The following RFWD3 variants were observed in gnomAD, a reference collection of about 807,000 sequenced individuals.
The protein encoded by RFWD3 is ring finger and WD repeat domain 3, also known as E3 ubiquitin-protein ligase RFWD3.
RFWD3 carries 65 observed loss-of-function variants against 87.7 expected under a neutral mutation model. The observed-to-expected ratio is 0.74, with a 90% confidence interval of 0.61 to 0.91. The LOEUF (loss-of-function observed/expected upper bound fraction) is 0.91. Among genes scored for constraint, RFWD3 ranks in the 40% least tolerant of loss-of-function variants. The probability of loss-of-function intolerance (pLI) is 0.00; values close to 1 mark genes in which losing one functional copy is unlikely to be tolerated. For missense variants in RFWD3, 1,078 were observed against 938.5 expected, an observed-to-expected ratio of 1.15 and a Z score of -1.94; for synonymous variants, 433 against 352.8, an observed-to-expected ratio of 1.23 and a Z score of -2.55.
At chr16:74,666,148 GGAAA>G (rs1199398647) in intron 1 of RFWD3, among the ~76,000 whole-genome samples, 4 of 151,466 alleles carry the variant, frequency 2.6e-5, no homozygotes, top group East Asian at 3.9e-4. Context: ...TACTACATGG[GGAAA>G]GAAAGACATA....
At chr16:74,653,296 G>A (rs1410840895) in intron 2 of RFWD3, among the ~76,000 whole-genome samples, 2 of 152,032 alleles carry the variant, frequency 1.3e-5, no homozygotes, top group Middle Eastern at 3.4e-3. Flanking sequence ...CCATGATGGT[G>A]CCCATACTCC....
rs1187759235 is a variant in RFWD3, at chr16:74,652,227, G to T, written c.519-105C>A. ...TCCTATCACTTCAACCCATCTCCAG[G>T]CCATTAAATGCTGCCTTTGAAAGCT... On this transcript the variant is annotated intron_variant, in intron 2 of 12. Coordinates refer to ENST00000361070, the MANE Select transcript of RFWD3 (RefSeq NM_018124.4). 7 of 965,812 alleles carry T rather than the reference G, an allele frequency of 7.2e-6. 1 individual carries two copies. In the Middle Eastern group the frequency reaches 1.3e-3, roughly 181 times the overall value. 59.8% of individuals were successfully genotyped at this position (965,812 alleles called of 1,614,324 possible). A position where few individuals can be genotyped will look rare whatever the true frequency, so the allele number is the denominator to read the frequency against.
rs1288294786 is a variant in RFWD3, at chr16:74,651,905, G to C, written c.721+15C>G. The C allele has an allele frequency of 1.2e-6, 2 of 1,612,490 alleles. No homozygotes were observed. Among genetic ancestry groups the C allele is most frequent in the Non-Finnish European group, 1.7e-6 (2 of 1,178,912 alleles). On this transcript the variant is annotated intron_variant, in intron 3 of 12. Transcript: ENST00000361070. ...ATGTTAGCCTTGTGAGTCCAAACCT[G>C]GGTAAAATACTGACCTTCTAAAATG...
intron 2 of RFWD3, 113 bp downstream of exon 2, chr16:74,660,819 C>G (rs1279051486): frequency 8.3e-7 from 1 of 1,206,482 alleles, no homozygotes; most frequent in East Asian, 2.3e-5. Flanking sequence ...AACTGGGGGT[C>G]AGAAGTTACC....
At chr16:74,656,382 TTTTTA>T (rs927893795) in intron 2 of RFWD3, among the ~76,000 whole-genome samples, 8 of 152,072 alleles carry the variant, frequency 5.3e-5, no homozygotes, top group Admixed American at 2.6e-4. Context: ...GGAAAAGCTT[TTTTTA>T]TTTTATTTTT....
intron 3 of RFWD3, 139 bp downstream of exon 3, chr16:74,651,781 C>T (rs2144266829): frequency 1.3e-6 from 1 of 744,884 alleles, no homozygotes; most frequent in Middle Eastern, 3.9e-4. Flanking sequence ...AGTGAAGGCT[C>T]TATACTATAA....
At chr16:74,633,840 C>T (rs1304854607) in intron 8 of RFWD3, among the ~76,000 whole-genome samples, 1 of 151,734 alleles carries the variant, frequency 6.6e-6, no homozygotes, top group Non-Finnish European at 1.5e-5. Flanking sequence ...GTCCCAGTTA[C>T]TCAAGAGGCT....
In RFWD3 at chr16:74,621,986, A is replaced by C. The variant is rs569495124; in HGVS notation, c.*1942T>G. 2.0e-5 allele frequency: 3 copies of C among 152,348 alleles called. No homozygotes were observed. The South Asian group carries it at 6.2e-4, about 32-fold the overall frequency. The allele number at this position is 152,348 out of a possible 1,614,324, so 9.4% of individuals were successfully genotyped here. ...CTTCCAAAACATCCAAATTTAATGTACTAATGCAAGGACTGGTAAGACTTA... is the reference window on the plus strand; with the variant it reads ...CTTCCAAAACATCCAAATTTAATGTCCTAATGCAAGGACTGGTAAGACTTA... On this transcript the variant is annotated 3_prime_UTR_variant, in exon 13 of 13. Transcript: ENST00000361070.
intron 10 of RFWD3, among the ~76,000 whole-genome samples, chr16:74,630,148 T>A (rs1177815546): frequency 1.3e-5 from 2 of 151,818 alleles, no homozygotes; most frequent in Non-Finnish European, 2.9e-5. Context: ...CAGACTGGAG[T>A]GCAACGGCGC....
chr16:74,635,218 A>G (rs1196863379), intron 8 of RFWD3, among the ~76,000 whole-genome samples: 1 of 152,058 alleles, frequency 6.6e-6, no homozygotes, highest in Non-Finnish European at 1.5e-5. Flanking sequence ...TGGAGCTTGC[A>G]GTGAGCCGAG....
rs989059672 is a variant in RFWD3, at chr16:74,661,261, G to A, written c.189C>T (p.Ser63=). The change falls in exon 2 of 13, where the codon AGC becomes AGT. Residue 63 remains serine, a synonymous_variant. Coordinates refer to ENST00000361070, the MANE Select transcript of RFWD3 (RefSeq NM_018124.4). ...GCTGGAGCAGGGGTGGTGTCGCTTG[G>A]CTGCTGATCACCTCAGCAGGAGCTG... ...LQPAPAEVIS[S]QATPPLLQPA... 27 of 1,614,142 alleles carry A rather than the reference G, an allele frequency of 1.7e-5. No individual in the cohort carries two copies. In the African/African-American group the frequency reaches 3.1e-4, roughly 18 times the overall value.
chr16:74,629,851 T>C (rs1027830697), intron 10 of RFWD3, among the ~76,000 whole-genome samples: 1 of 152,204 alleles, frequency 6.6e-6, no homozygotes, highest in African/African-American at 2.4e-5. Context: ...CCCTACTCCC[T>C]TTTTGATAAC....
chr16:74,636,379 A>G lies in RFWD3; in HGVS notation c.1393T>C (p.Ser465Pro), dbSNP rs1187078684. Residue 465 changes from serine to proline, a missense_variant, in exon 8 of 13, where the codon TCA becomes CCA. Physicochemically the swap from Ser to Pro is moderately conservative, Grantham distance 74 (BLOSUM62 -1). Transcript: ENST00000361070. ...AAAGAGGCCTGAGGAGAAGGCTGTG[A>G]TATCACCAGGCAGCTCAGAGCATCA... ...YCDALSCLVISQPSPQASFLP... is the reference protein window; with the variant it reads ...YCDALSCLVIPQPSPQASFLP... 6.2e-7 allele frequency: 1 copy of G among 1,614,196 alleles called. No homozygotes were observed. The highest frequency in any genetic ancestry group is 1.1e-5 in the South Asian group (1 of 91,086).
At chr16:74,660,010 G>C (rs114317482) in intron 2 of RFWD3, among the ~76,000 whole-genome samples, 5,767 of 150,974 alleles carry the variant, frequency 0.038, 120 homozygotes, top group African/African-American at 0.043. Context: ...AGCTGTGATT[G>C]CACCACTGCA....
At position 74,661,214 on chromosome 16, in the gene RFWD3, T is replaced by A; in HGVS notation, c.236A>T (p.Asp79Val). Residue 79 changes from aspartate (D) to valine (V), a missense_variant, in exon 2 of 13, where the codon GAC becomes GTC. Coordinates refer to ENST00000361070, the MANE Select transcript of RFWD3 (RefSeq NM_018124.4). ...LLQPAPQLSV[D>V]LTEVEVLGED... is the part of the protein sequence containing the mutation. ...TCCCAAGACCTCCACTTCTGTCAGG[T>A]CAACAGACAGTTGCGGAGCAGGCTG... is the stretch of plus-strand genomic sequence containing the variant. The A allele has an allele frequency of 3.1e-6, 5 of 1,614,204 alleles. No homozygotes were observed. Among genetic ancestry groups the A allele is most frequent in the Non-Finnish European group, 4.2e-6 (5 of 1,180,038 alleles).
At chr16:74,626,576 G>A (rs1320161034) in intron 11 of RFWD3, 22 bp from the exon 12 acceptor site, 11 of 1,594,522 alleles carry the variant, frequency 6.9e-6, no homozygotes, top group Middle Eastern at 1.7e-4. Flanking sequence ...AGAAATCAGT[G>A]CTGCACCATG....
At chr16:74,640,190 T>TG (rs1959510422) in intron 6 of RFWD3, among the ~76,000 whole-genome samples, 1 of 151,322 alleles carries the variant, frequency 6.6e-6, no homozygotes, top group South Asian at 2.1e-4. Flanking sequence ...TTGCCCAGGT[T>TG]GGAGTGCAGT....
At chr16:74,638,850 T>C (rs920394091) in intron 6 of RFWD3, among the ~76,000 whole-genome samples, 4 of 152,194 alleles carry the variant, frequency 2.6e-5, no homozygotes, top group Non-Finnish European at 4.4e-5. Flanking sequence ...GATTTCGTCA[T>C]GTAAACATTA....
At chr16:74,657,532 G>C (rs938220055) in intron 2 of RFWD3, among the ~76,000 whole-genome samples, 8 of 146,590 alleles carry the variant, frequency 5.5e-5, no homozygotes, top group Non-Finnish European at 8.9e-5. Context: ...CTGGAGTGTA[G>C]TGGCGCAATC....
Sources: gnomAD v4.1 joint callset for allele counts (sites outside exome capture counted in the v4.1 genomes callset) on GRCh38, gnomAD v4.1.1 for gene constraint, MANE v1.5 for transcripts, NCBI Gene and HGNC (gene_info 2026-07-23, HGNC 2026-07-21) for gene names.